The following SAMD9 variants were observed in gnomAD, a reference collection of about 807,000 sequenced individuals.
SAMD9 encodes sterile alpha motif domain-containing protein 9.
In SAMD9, 3 loss-of-function variants were observed where a neutral mutation model predicts 1.5. The ratio of observed to expected loss-of-function variants is 2.05; its 90% CI spans 0.93 to 5.29. The LOEUF (loss-of-function observed/expected upper bound fraction) is 5.29. Among genes scored for constraint, SAMD9 ranks in the 30% most tolerant of loss-of-function variants. SAMD9 has a pLI of 0.02. For missense variants in SAMD9, 1,597 were observed against 1,820.8 expected (o/e 0.88, Z 2.24); for synonymous variants, 635 against 631.9 (o/e 1.00, Z -0.07).
At position 93,104,035 on chromosome 7, in the gene SAMD9, T is replaced by C. The variant is rs1188656521; in HGVS notation, c.2063A>G (p.Lys688Arg). The C allele has an allele frequency of 3.1e-6, 5 of 1,613,862 alleles. No homozygotes were observed. The highest frequency in any genetic ancestry group is 1.7e-5 in the Admixed American group (1 of 59,988). ...GAAGTAGAAGTTCCACCATGACACTTTGCCACCTCGATAGAAGTCTTCCTC... is the reference window on the plus strand; with the variant it reads ...GAAGTAGAAGTTCCACCATGACACTCTGCCACCTCGATAGAAGTCTTCCTC... Reference protein sequence around the residue: ...SKEEDFYRGGKVSWWNFYFSS... With the variant: ...SKEEDFYRGGRVSWWNFYFSS... The change falls in exon 3 of 3, where the codon AAA (lysine) becomes AGA (arginine). Residue 688 changes from lysine (K) to arginine (R), a missense_variant. Coordinates refer to ENST00000379958, the MANE Select transcript of SAMD9 (RefSeq NM_017654.4).
At chr7:93,115,564 A>AT (rs1349304016) in intron 1 of SAMD9, among the ~76,000 whole-genome samples, 1 of 152,180 alleles carries the variant, frequency 6.6e-6, no homozygotes, top group Non-Finnish European at 1.5e-5. Flanking sequence ...TGATGGAAAT[A>AT]TTTTATATCT....
rs762437452 is a variant in SAMD9 at position 93,102,448 on chromosome 7, A to G, written c.3650T>C (p.Phe1217Ser). 5.6e-6 allele frequency: 9 copies of G among 1,613,612 alleles called. No individual in the cohort carries two copies. In the African/African-American group the frequency reaches 6.7e-5, roughly 12 times the overall value. ...TTTAGATAGCTCATTTTTATTATCA[A>G]AAAAAGGAATGAGCTGGAGAATTTG... The part of the protein sequence containing the change: ...TIQILQLIPF[F>S]DNKNELSKRY... Residue 1217 changes from phenylalanine to serine, a missense_variant, in exon 3 of 3, where the codon TTT becomes TCT. Phe to Ser is a radical substitution (Grantham distance 155). Around this residue, in one of 6 missense-constraint regions of SAMD9, gnomAD observed 682 missense variants for 810.0 expected, o/e 0.84. Transcript: ENST00000379958.
At chr7:93,107,253 C>A (rs1376233870) in intron 2 of SAMD9, among the ~76,000 whole-genome samples, 1 of 152,070 alleles carries the variant, frequency 6.6e-6, no homozygotes, top group Admixed American at 6.6e-5. Context: ...CTTCAAGCAT[C>A]TTAATTTTGT....
At chr7:93,111,437 G>A (rs1367185635) in intron 2 of SAMD9, among the ~76,000 whole-genome samples, 3 of 151,990 alleles carry the variant, frequency 2.0e-5, no homozygotes, top group Non-Finnish European at 2.9e-5. Flanking sequence ...GCTAGCAGAA[G>A]GCAAGAAATA....
chr7:93,104,594 T>C lies in SAMD9; in HGVS notation c.1504A>G (p.Ser502Gly). 6.2e-7 allele frequency: 1 copy of C among 1,614,078 alleles called. No individual in the cohort carries two copies. The highest frequency in any genetic ancestry group is 8.5e-7 in the Non-Finnish European group (1 of 1,179,944). The change falls in exon 3 of 3, where the codon AGT becomes GGT. Residue 502 changes from serine to glycine, a missense_variant. Coordinates refer to ENST00000379958, the MANE Select transcript of SAMD9 (RefSeq NM_017654.4). ...GGATCAAAGGGTTTATATTTTTCAC[T>C]GTCAAGGTCTAACCTGCCATTGCAG... is the stretch of plus-strand genomic sequence containing the variant. ...IFCNGRLDLDSEKYKPFDPSS... is the reference protein window; with the variant it reads ...IFCNGRLDLDGEKYKPFDPSS...
In SAMD9 at chr7:93,117,933, A is replaced by G. The variant is rs1791857602; in HGVS notation, c.-180T>C. On this transcript the variant is annotated 5_prime_UTR_variant, in exon 1 of 3. Coordinates refer to ENST00000379958, the MANE Select transcript of SAMD9 (RefSeq NM_017654.4). Reference sequence around the variant, plus strand: ...TCTCTTTTAGTGCTGAAAATATCTGATGTGTTTGTTTTCTTCCTCCTACGA... The same window carrying G: ...TCTCTTTTAGTGCTGAAAATATCTGGTGTGTTTGTTTTCTTCCTCCTACGA... 6.6e-6 allele frequency: 1 copy of G among 152,114 alleles called. No individual in the cohort carries two copies. Among genetic ancestry groups the G allele is most frequent in the Admixed American group, 6.5e-5 (1 of 15,274 alleles). The allele number at this position is 152,114 out of a possible 1,614,324, so 9.4% of individuals were successfully genotyped here. A position where few individuals can be genotyped will look rare whatever the true frequency, so the allele number is the denominator to read the frequency against.
chr7:93,107,997 T>A (rs1791673205), intron 2 of SAMD9, among the ~76,000 whole-genome samples: 1 of 152,204 alleles, frequency 6.6e-6, no homozygotes, highest in Non-Finnish European at 1.5e-5. Flanking sequence ...AATAAAAAAC[T>A]GCAATGGTAT....
At chr7:93,112,019 A>G (rs982898911) in intron 2 of SAMD9, among the ~76,000 whole-genome samples, 2 of 152,166 alleles carry the variant, frequency 1.3e-5, no homozygotes, top group South Asian at 2.1e-4. Context: ...AGAATTTTAG[A>G]CCAATATCCC....
chr7:93,117,515 C>T (rs934283379), intron 1 of SAMD9, among the ~76,000 whole-genome samples: 1 of 152,074 alleles, frequency 6.6e-6, no homozygotes, highest in African/African-American at 2.4e-5. Flanking sequence ...GAATTCCTGG[C>T]CTCAAACAAT....
chr7:93,107,333 A>G (rs560083294), intron 2 of SAMD9, among the ~76,000 whole-genome samples: 1 of 152,324 alleles, frequency 6.6e-6, no homozygotes, highest in African/African-American at 2.4e-5. Flanking sequence ...CTACTGTTGT[A>G]TTAAACTAAT....
intron 2 of SAMD9, 132 bp from the exon 3 acceptor site, chr7:93,106,237 A>G: frequency 1.9e-6 from 1 of 527,064 alleles, no homozygotes; most frequent in South Asian, 4.7e-5. Context: ...TTATCTCTTG[A>G]GAGAATGTGA....
intron 2 of SAMD9, among the ~76,000 whole-genome samples, chr7:93,110,780 A>G (rs902635742): frequency 6.6e-6 from 1 of 152,254 alleles, no homozygotes; most frequent in Admixed American, 6.5e-5. Flanking sequence ...TATGCACCCA[A>G]TACAGGAGCA....
rs1791558826 is a variant in SAMD9, at chr7:93,102,861, G to C, written c.3237C>G (p.Asn1079Lys). The change falls in exon 3 of 3, where the codon AAC becomes AAG. Residue 1079 changes from asparagine to lysine, a missense_variant. This residue lies in a region of SAMD9 where 682 missense variants were observed against 810.0 expected (regional missense o/e 0.84). Transcript: ENST00000379958. ...ACGCTTGGCAAATGAATGCATTTGG[G>C]TTGAACCGATGGATACTTTCAAGCA... The part of the protein sequence containing the change: ...AVLLESIHRF[N>K]PNAFICQALA... 2 of 1,613,684 alleles carry C rather than the reference G, an allele frequency of 1.2e-6. No individual in the cohort carries two copies. The highest frequency in any genetic ancestry group is 1.7e-5 in the Admixed American group (1 of 59,956).
In SAMD9 at chr7:93,102,446, C is replaced by CA. The variant is rs199887936; in HGVS notation, c.3651dup (p.Asp1218Ter). On this transcript the variant is annotated frameshift_variant, in exon 3 of 3. Transcript: ENST00000379958. LOFTEE classifies it low-confidence loss of function (END_TRUNC). ...CTTTTAGATAGCTCATTTTTATTATCAAAAAAAGGAATGAGCTGGAGAATT... is the reference window on the plus strand; with the variant it reads ...CTTTTAGATAGCTCATTTTTATTATCAAAAAAAAGGAATGAGCTGGAGAATT... 2,060 of 1,613,366 alleles carry CA rather than the reference C, an allele frequency of 1.3e-3. 22 individuals carry two copies. In the African/African-American group the frequency reaches 0.022, roughly 17 times the overall value.
At position 93,102,385 on chromosome 7, in the gene SAMD9, A is replaced by C. The variant is rs1210713142; in HGVS notation, c.3713T>G (p.Ile1238Ser). Residue 1238 changes from isoleucine to serine, a missense_variant, in exon 3 of 3, where the codon ATT (isoleucine) becomes AGT (serine). Physicochemically the swap from Ile to Ser is moderately radical, Grantham distance 142 (BLOSUM62 -2). This residue lies in a region of SAMD9 where 682 missense variants were observed against 810.0 expected (regional missense o/e 0.84). Coordinates refer to ENST00000379958, the MANE Select transcript of SAMD9 (RefSeq NM_017654.4). ...MVNFVSGSSD[I>S]PGDPNNEYKL... Reference sequence around the variant, plus strand: ...ATATTCATTGTTTGGATCCCCTGGAATATCACTACTTCCTGATACAAAATT... The same window carrying C: ...ATATTCATTGTTTGGATCCCCTGGACTATCACTACTTCCTGATACAAAATT... 1.9e-6 allele frequency: 3 copies of C among 1,609,134 alleles called. No homozygotes were observed. Among genetic ancestry groups the C allele is most frequent in the Non-Finnish European group, 2.6e-6 (3 of 1,175,984 alleles).
intron 2 of SAMD9, among the ~76,000 whole-genome samples, chr7:93,110,205 C>G (rs1052620750): frequency 2.0e-5 from 3 of 152,126 alleles, no homozygotes; most frequent in African/African-American, 7.2e-5. Flanking sequence ...TCCAGCCAAA[C>G]TAAGCTTCAT....
rs1440167377 is a variant in SAMD9, at chr7:93,114,101, A to G, written c.-9+694T>C. 2.6e-5 allele frequency among the ~76,000 whole-genome samples: 4 copies of G among 152,260 alleles called. No homozygotes were observed. In the South Asian group the frequency reaches 6.2e-4, roughly 24 times the overall value. On this transcript the variant is annotated intron_variant, in intron 2 of 2. Coordinates refer to ENST00000379958, the MANE Select transcript of SAMD9 (RefSeq NM_017654.4). ...TAAGAAAATGTGGCACATATACACC[A>G]TGGAATACTATGCAGCCTTAAAAAA... is the stretch of plus-strand genomic sequence containing the variant.
chr7:93,103,305 G>C lies in SAMD9; in HGVS notation c.2793C>G (p.Thr931=). The C allele has an allele frequency of 6.2e-7, 1 of 1,613,574 alleles. No homozygotes were observed. The highest frequency in any genetic ancestry group is 1.1e-5 in the South Asian group (1 of 91,060). ...LALLNSYVPD[T]TISLSQCEKF... is the part of the protein sequence containing the mutation. Reference sequence around the variant, plus strand: ...TTTCACACTGTGATAGTGAAATGGTGGTATCAGGCACATATGAATTAAGAA... The same window carrying C: ...TTTCACACTGTGATAGTGAAATGGTCGTATCAGGCACATATGAATTAAGAA... The change falls in exon 3 of 3, where the codon ACC becomes ACG. Residue 931 remains threonine, a synonymous_variant. Transcript: ENST00000379958.
chr7:93,106,176 T>C (rs1791641940), intron 2 of SAMD9, 71 bp from the exon 3 acceptor site: 1 of 1,007,810 alleles, frequency 9.9e-7, no homozygotes, highest in Non-Finnish European at 1.4e-6. Flanking sequence ...TAGTAGATAA[T>C]ATATACATAA....
Sources: gnomAD v4.1 joint callset for allele counts (sites outside exome capture counted in the v4.1 genomes callset) on GRCh38, gnomAD v4.1.1 for gene constraint, gnomAD v4.1.1 regional missense constraint, MANE v1.5 for transcripts, NCBI Gene and HGNC (gene_info 2026-07-23, HGNC 2026-07-21) for gene names.